The following CALB2 variants were observed in gnomAD, a reference collection of about 807,000 sequenced individuals.
CALB2 encodes the protein calbindin 2.
Under a neutral mutation model 45.9 loss-of-function variants are expected in CALB2, and 34 were observed. The observed-to-expected ratio is 0.74, with a 90% CI of 0.56 to 0.99. The LOEUF is 0.99. Among genes scored for constraint, CALB2 ranks in the 50% least tolerant of loss-of-function variants. The pLI, the probability that CALB2 is intolerant of heterozygous loss-of-function variation, is 0.00. For synonymous variants in CALB2, 142 were observed against 129.6 expected, an observed-to-expected ratio of 1.10 and a Z score of -0.65; for missense variants, 344 against 339.3, an observed-to-expected ratio of 1.01 and a Z score of -0.11.
chr16:71,387,581 T>C (rs527877497), intron 10 of CALB2, among the ~76,000 whole-genome samples: 1 of 152,250 alleles, frequency 6.6e-6, no homozygotes, highest in East Asian at 1.9e-4. Flanking sequence ...GACAGGCTGA[T>C]GGGATTGAAC....
chr16:71,359,034 T>C, intron 1 of CALB2, 148 bp downstream of exon 1: 2 of 677,104 alleles, frequency 3.0e-6, no homozygotes, highest in East Asian at 2.8e-5. Flanking sequence ...TGGTCCCGGG[T>C]TTGGGAGACA....
At chr16:71,376,183 C>G (rs543604475) in intron 3 of CALB2, among the ~76,000 whole-genome samples, 1 of 152,298 alleles carries the variant, frequency 6.6e-6, no homozygotes, top group East Asian at 1.9e-4. Context: ...AGCTCTTCAG[C>G]TCTGCCACTG....
chr16:71,366,969 G>A lies in CALB2; in HGVS notation c.95-5184G>A, dbSNP rs575340282. Among the ~76,000 whole-genome samples the A allele has an allele frequency of 1.1e-4, 17 of 152,160 alleles. No individual in the cohort carries two copies. The South Asian group carries it at 1.7e-3, about 15-fold the overall frequency. On this transcript the variant is annotated intron_variant, in intron 1 of 10. Coordinates refer to ENST00000302628, the MANE Select transcript of CALB2 (RefSeq NM_001740.5). ...TATTAATATTATACCTCTTACTCAG[G>A]TACCTCTTACCTGTTCAACTCCTAG...
intron 10 of CALB2, chr16:71,389,431 T>C: frequency 4.0e-6 from 2 of 498,628 alleles, no homozygotes; most frequent in Non-Finnish European, 7.9e-6. Flanking sequence ...TGATGTGGCT[T>C]ATATTCATTC....
At chr16:71,388,104 A>T (rs905320504) in intron 10 of CALB2, among the ~76,000 whole-genome samples, 1 of 152,214 alleles carries the variant, frequency 6.6e-6, no homozygotes, top group East Asian at 1.9e-4. Context: ...TATTAGCAGA[A>T]TGGAGATAAT....
intron 4 of CALB2, among the ~76,000 whole-genome samples, chr16:71,379,637 A>G (rs1347382955): frequency 4.6e-5 from 7 of 152,206 alleles, no homozygotes; most frequent in Admixed American, 2.0e-4. Context: ...CTGATAAATA[A>G]TAACTGGCCT....
chr16:71,372,042 G>C, intron 1 of CALB2, 111 bp from the exon 2 acceptor site: 1 of 791,538 alleles, frequency 1.3e-6, no homozygotes, highest in South Asian at 1.4e-5. Flanking sequence ...CTAGACACCT[G>C]CCTGTTGGCC....
intron 2 of CALB2, 90 bp downstream of exon 2, chr16:71,372,319 G>A (rs2042361722): frequency 1.2e-6 from 1 of 849,490 alleles, no homozygotes; most frequent in Non-Finnish European, 1.9e-6. Flanking sequence ...CCATAAGCAG[G>A]CCTCATATCG....
intron 4 of CALB2, among the ~76,000 whole-genome samples, chr16:71,379,800 A>C (rs1458095011): frequency 1.3e-5 from 2 of 152,226 alleles, no homozygotes; most frequent in Admixed American, 1.3e-4. Context: ...TCAGTGAGAA[A>C]GAACCAGTTC....
chr16:71,373,183 C>T (rs989086434), intron 2 of CALB2, among the ~76,000 whole-genome samples: 1 of 152,150 alleles, frequency 6.6e-6, no homozygotes, highest in African/African-American at 2.4e-5. Context: ...CATCAGCTCC[C>T]TCGGGTCCTC....
At position 71,389,907 on chromosome 16, in the gene CALB2, C is replaced by A. The variant is rs1311580660; in HGVS notation, c.*42C>A. The A allele has an allele frequency of 2.1e-6, 3 of 1,408,888 alleles. No individual in the cohort carries two copies. Among genetic ancestry groups the A allele is most frequent in the Non-Finnish European group, 3.0e-6 (3 of 998,062 alleles). The allele number at this position is 1,408,888 out of a possible 1,614,324, so 87.3% of individuals were successfully genotyped here. On this transcript the variant is annotated 3_prime_UTR_variant, in exon 11 of 11. Coordinates refer to ENST00000302628, the MANE Select transcript of CALB2 (RefSeq NM_001740.5). ...GCTTCTCCACCTCCCCCAAACCCTG[C>A]TTCTGCTGCCCTGATGCGTCTACCC... is the stretch of plus-strand genomic sequence containing the variant.
At chr16:71,381,563 G>C (rs2042491840) in intron 4 of CALB2, among the ~76,000 whole-genome samples, 2 of 152,118 alleles carry the variant, frequency 1.3e-5, no homozygotes, top group Non-Finnish European at 2.9e-5. Context: ...ACAATAAAGG[G>C]GCACATGCAG....
At chr16:71,364,613 C>T (rs2042264055) in intron 1 of CALB2, among the ~76,000 whole-genome samples, 1 of 152,204 alleles carries the variant, frequency 6.6e-6, no homozygotes, top group Non-Finnish European at 1.5e-5. Flanking sequence ...CTGCCCTATC[C>T]TTCTGGCCTC....
intron 1 of CALB2, among the ~76,000 whole-genome samples, chr16:71,366,324 C>CTTTTT (rs1242997452): frequency 8.7e-5 from 4 of 46,146 alleles, no homozygotes; most frequent in Admixed American, 3.6e-4. Context: ...AGTGCCTGGC[C>CTTTTT]TTTTTTTTTT....
intron 6 of CALB2, 98 bp from the exon 7 acceptor site, chr16:71,383,872 G>A (rs1230618029): frequency 6.6e-6 from 9 of 1,369,144 alleles, no homozygotes; most frequent in East Asian, 4.6e-5. Context: ...GCATGAGCAC[G>A]TGTCACCCGT....
chr16:71,365,827 A>C (rs887565837), intron 1 of CALB2, among the ~76,000 whole-genome samples: 1 of 151,782 alleles, frequency 6.6e-6, no homozygotes, highest in Non-Finnish European at 1.5e-5. Context: ...CCAAGCCTTT[A>C]CTGTTCTGAG....
chr16:71,383,826 C>T, intron 6 of CALB2, 144 bp from the exon 7 acceptor site: 1 of 892,506 alleles, frequency 1.1e-6, no homozygotes, highest in East Asian at 2.4e-5. Context: ...TGATTTAGCC[C>T]ATGTTGGTTC....
At chr16:71,369,320 C>G (rs916523673) in intron 1 of CALB2, among the ~76,000 whole-genome samples, 1 of 152,148 alleles carries the variant, frequency 6.6e-6, no homozygotes, top group African/African-American at 2.4e-5. Flanking sequence ...GTGGTGTCCT[C>G]TAATCTGGGT....
At chr16:71,387,255 T>C (rs2042580940) in intron 10 of CALB2, among the ~76,000 whole-genome samples, 1 of 152,188 alleles carries the variant, frequency 6.6e-6, no homozygotes, top group South Asian at 2.1e-4. Context: ...ACTCCAAGTA[T>C]GGAAACAAAA....
Sources: gnomAD v4.1 joint callset for allele counts (sites outside exome capture counted in the v4.1 genomes callset) on GRCh38, gnomAD v4.1.1 for gene constraint, MANE v1.5 for transcripts, NCBI Gene and HGNC (gene_info 2026-07-23, HGNC 2026-07-21) for gene names.